Variants in SRGAP2C observed in about 807,000 individuals in gnomAD.
The protein encoded by SRGAP2C is SLIT-ROBO Rho GTPase activating protein 2C, also known as SLIT-ROBO Rho GTPase-activating protein 2C.
In SRGAP2C, 15 loss-of-function variants were observed where a neutral mutation model predicts 25.1. The observed-to-expected ratio is 0.60, with a 90% CI of 0.40 to 0.92. The LOEUF (loss-of-function observed/expected upper bound fraction) is 0.92, where lower values mean the gene tolerates loss of function less well. Among genes scored for constraint, SRGAP2C ranks in the 40% least tolerant of loss-of-function variants. The pLI is 0.00. For synonymous variants in SRGAP2C, 44 were observed against 96.6 expected (o/e 0.46, Z 3.19); for missense variants, 144 against 264.4 (o/e 0.54, Z 3.16).
Position 121,275,618 on chromosome 1 carries a change from G to A in SRGAP2C, c.68-9185G>A, listed in dbSNP as rs187063740. On this transcript the variant is annotated intron_variant, in intron 2 of 9. Transcript: ENST00000367123. ...TTTTGAGTCACTTGAAAGAACTAAG[G>A]CAGCCTGCCAAAGTAGTCACGATGA... 1.8e-3 allele frequency among the ~76,000 whole-genome samples: 272 copies of A among 149,614 alleles called. 1 individual carries two copies. Among genetic ancestry groups the A allele is most frequent in the African/African-American group, 6.4e-3 (260 of 40,636 alleles).
intron 7 of SRGAP2C, 76 bp downstream of exon 7, chr1:121,375,030 A>G: frequency 1.4e-6 from 1 of 705,096 alleles, no homozygotes; most frequent in Admixed American, 2.1e-5. Flanking sequence ...TCCCGATACT[A>G]TTGTTCAGGA....
At chr1:121,346,943 C>T (rs782155090) in intron 4 of SRGAP2C, among the ~76,000 whole-genome samples, 5 of 152,092 alleles carry the variant, frequency 3.3e-5, no homozygotes, top group Non-Finnish European at 7.4e-5. Context: ...TCCTTCTGGC[C>T]CATAATACTC....
chr1:121,208,563 G>A (rs1298579034), intron 2 of SRGAP2C, among the ~76,000 whole-genome samples: 1 of 152,164 alleles, frequency 6.6e-6, no homozygotes, highest in East Asian at 1.9e-4. Context: ...GAACCTCTTG[G>A]GCTCTGTTCA....
At chr1:121,289,384 G>A (rs1466019699) in intron 3 of SRGAP2C, among the ~76,000 whole-genome samples, 42 of 151,872 alleles carry the variant, frequency 2.8e-4, no homozygotes, top group Admixed American at 1.7e-3. Flanking sequence ...CAGCAGGGCT[G>A]GCTGGCTGCT....
At chr1:121,268,487 C>T (rs1656861349) in intron 2 of SRGAP2C, among the ~76,000 whole-genome samples, 2 of 150,668 alleles carry the variant, frequency 1.3e-5, no homozygotes, top group South Asian at 4.2e-4. Flanking sequence ...GAGTAGACTG[C>T]AGGGAAGCAA....
chr1:121,213,158 G>A (rs2101427315), intron 2 of SRGAP2C, among the ~76,000 whole-genome samples: 1 of 141,312 alleles, frequency 7.1e-6, no homozygotes, highest in East Asian at 2.2e-4. Flanking sequence ...TGATTTTTGT[G>A]CCTCAGCCAC....
At position 121,273,678 on chromosome 1, in the gene SRGAP2C, C is replaced by T. The variant is rs1330664150; in HGVS notation, c.68-11125C>T. Among the ~76,000 whole-genome samples, 13 of 151,914 alleles carry T rather than the reference C, an allele frequency of 8.6e-5. No homozygotes were observed. In the East Asian group the frequency reaches 1.7e-3, roughly 20 times the overall value. Reference sequence around the variant, plus strand: ...GACATCTTCACGTAACTATGTGAAGCTACTGCATCTCTGAACAGTCCACTG... The same window carrying T: ...GACATCTTCACGTAACTATGTGAAGTTACTGCATCTCTGAACAGTCCACTG... On this transcript the variant is annotated intron_variant, in intron 2 of 9. Coordinates refer to ENST00000367123, the MANE Select transcript of SRGAP2C (RefSeq NM_001329984.2).
At chr1:121,279,111 G>T (rs1657180473) in intron 2 of SRGAP2C, among the ~76,000 whole-genome samples, 1 of 149,224 alleles carries the variant, frequency 6.7e-6, no homozygotes, top group East Asian at 2.0e-4. Flanking sequence ...TGCTCCACGT[G>T]CTGGCAACAG....
intron 3 of SRGAP2C, among the ~76,000 whole-genome samples, chr1:121,318,014 C>T (rs1246551306): frequency 1.3e-5 from 1 of 75,034 alleles, no homozygotes; most frequent in Non-Finnish European, 2.6e-5. Flanking sequence ...AACGCTGAAG[C>T]CAAAGCTGTG....
intron 3 of SRGAP2C, among the ~76,000 whole-genome samples, chr1:121,289,103 C>G (rs1344416238): frequency 1.4e-5 from 2 of 144,224 alleles, no homozygotes; most frequent in African/African-American, 2.6e-5. Flanking sequence ...GCTGTGCGCT[C>G]GCATTCCTCA....
chr1:121,266,999 T>C, intron 2 of SRGAP2C, among the ~76,000 whole-genome samples: 1 of 145,458 alleles, frequency 6.9e-6, no homozygotes, highest in Middle Eastern at 3.5e-3. Context: ...GACATTGTGT[T>C]GCTGTGGATT....
chr1:121,338,208 C>T (rs1658563614), intron 4 of SRGAP2C, among the ~76,000 whole-genome samples: 1 of 146,016 alleles, frequency 6.8e-6, no homozygotes, highest in African/African-American at 2.6e-5. Flanking sequence ...TCTGTCAGGT[C>T]AGAATTTCCA....
rs1280018026 is a variant in SRGAP2C at position 121,391,436 on chromosome 1, C to G, written c.*3581C>G. The stretch of plus-strand genomic sequence containing the variant: ...TTTGTGCCGGCTTTAAAGAACCCAG[C>G]ACAAAGCCAGTCTGCATGGCCTACA... On this transcript the variant is annotated 3_prime_UTR_variant, in exon 10 of 10. Transcript: ENST00000367123. 45 of 131,970 alleles carry G rather than the reference C, an allele frequency of 3.4e-4. No homozygotes were observed. The highest frequency in any genetic ancestry group is 1.2e-3 in the African/African-American group (43 of 35,120). 8.2% of individuals were successfully genotyped at this position (131,970 alleles called of 1,614,324 possible).
At chr1:121,262,803 G>T (rs1444241783) in intron 2 of SRGAP2C, among the ~76,000 whole-genome samples, 1 of 151,132 alleles carries the variant, frequency 6.6e-6, no homozygotes, top group African/African-American at 2.4e-5. Flanking sequence ...TAAAGAACTG[G>T]GATACGGGTT....
chr1:121,324,409 A>G, intron 3 of SRGAP2C, 69 bp from the exon 4 acceptor site: 1 of 1,347,014 alleles, frequency 7.4e-7, no homozygotes, highest in Non-Finnish European at 1.1e-6. Context: ...TAGGACACGG[A>G]CTATAGTTGT....
chr1:121,308,087 C>T (rs1212541251), intron 3 of SRGAP2C, among the ~76,000 whole-genome samples: 86 of 150,128 alleles, frequency 5.7e-4, no homozygotes, highest in Non-Finnish European at 1.2e-3. Flanking sequence ...TAGCTCTGCG[C>T]TCTGGGGCTC....
At chr1:121,235,070 G>A (rs1299849456) in intron 2 of SRGAP2C, among the ~76,000 whole-genome samples, 1 of 140,854 alleles carries the variant, frequency 7.1e-6, no homozygotes, top group African/African-American at 2.8e-5. Context: ...CCCCCAGGCT[G>A]GAGTGCAGTG....
At chr1:121,283,664 C>G (rs1657299977) in intron 2 of SRGAP2C, among the ~76,000 whole-genome samples, 1 of 145,432 alleles carries the variant, frequency 6.9e-6, no homozygotes, top group South Asian at 2.2e-4. Flanking sequence ...GTCACTGTCA[C>G]ATCCTAATGC....
chr1:121,255,346 T>A (rs1656433063), intron 2 of SRGAP2C, among the ~76,000 whole-genome samples: 1 of 151,856 alleles, frequency 6.6e-6, no homozygotes, highest in Non-Finnish European at 1.5e-5. Flanking sequence ...TCAGAATAAG[T>A]GCTTCTACAA....
Sources: allele counts gnomAD v4.1 joint callset (sites outside exome capture counted in the v4.1 genomes callset), GRCh38; gene constraint gnomAD v4.1.1; transcripts MANE v1.5; gene names NCBI Gene and HGNC (gene_info 2026-07-23, HGNC 2026-07-21).